HELQ: variants seen among roughly 807,000 people sequenced by gnomAD.
HELQ encodes the protein helicase POLQ-like.
In HELQ, 77 loss-of-function variants were observed where a neutral mutation model predicts 111.6. The observed-to-expected ratio is 0.69, with a 90% CI of 0.57 to 0.83. HELQ has a LOEUF of 0.83. Among genes scored for constraint, HELQ ranks in the 40% least tolerant of loss-of-function variants. The pLI, the probability that HELQ is intolerant of heterozygous loss-of-function variation, is 0.00. For missense variants in HELQ, 1,200 were observed against 1,288.5 expected (o/e 0.93, Z 1.05); for synonymous variants, 438 against 454.7 (o/e 0.96, Z 0.47).
In HELQ at chr4:83,426,701, C is replaced by A. The variant is rs998743219; in HGVS notation, c.2677-609G>T. Among the ~76,000 whole-genome samples the A allele has an allele frequency of 3.3e-5, 5 of 152,070 alleles. No homozygotes were observed. In the East Asian group the frequency reaches 9.7e-4, roughly 29 times the overall value. Reference sequence around the variant, plus strand: ...GCCTCAGCCTCCTGAGTAGCTGGGACTACTGGTGTGCGCCACCATGACCAA... The same window carrying A: ...GCCTCAGCCTCCTGAGTAGCTGGGAATACTGGTGTGCGCCACCATGACCAA... On this transcript the variant is annotated intron_variant, in intron 13 of 17. Transcript: ENST00000295488.
chr4:83,419,125 A>G (rs1010241605), intron 15 of HELQ, among the ~76,000 whole-genome samples: 2 of 151,866 alleles, frequency 1.3e-5, no homozygotes, highest in African/African-American at 4.8e-5. Context: ...AATGTCACCC[A>G]AAACAAATTG....
intron 9 of HELQ, among the ~76,000 whole-genome samples, chr4:83,435,730 G>A (rs1050664469): frequency 6.6e-6 from 1 of 152,032 alleles, no homozygotes; most frequent in African/African-American, 2.4e-5. Context: ...AACATTCATG[G>A]GGCAGAGTAG....
chr4:83,440,562 G>A (rs1720707842), intron 7 of HELQ, among the ~76,000 whole-genome samples: 2 of 152,208 alleles, frequency 1.3e-5, no homozygotes, highest in Non-Finnish European at 2.9e-5. Flanking sequence ...AGACATAGCT[G>A]TAGAATAACA....
chr4:83,433,392 G>A (rs55786616), intron 9 of HELQ, among the ~76,000 whole-genome samples: 10,888 of 152,236 alleles, frequency 0.072, 1,322 homozygotes, highest in African/African-American at 0.25. Context: ...TATTGGCGGG[G>A]CGTGGTGGCT....
intron 9 of HELQ, among the ~76,000 whole-genome samples, chr4:83,434,034 T>G (rs535177118): frequency 1.1e-4 from 16 of 145,768 alleles, no homozygotes; most frequent in African/African-American, 4.1e-4. Flanking sequence ...CAAAAGAGAG[T>G]TCTTAGAAAT....
chr4:83,408,246 C>T (rs1403832236), intron 17 of HELQ, among the ~76,000 whole-genome samples: 1 of 152,012 alleles, frequency 6.6e-6, no homozygotes. Flanking sequence ...ATTCCGCTCC[C>T]CCCCACCCGC....
At chr4:83,416,597 A>T (rs954377732) in intron 17 of HELQ, 134 bp downstream of exon 17, 10 of 880,002 alleles carry the variant, frequency 1.1e-5, no homozygotes, top group South Asian at 8.0e-5. Context: ...TTACTCACAA[A>T]TAAGAGTATG....
At chr4:83,437,353 C>T (rs1009705710) in intron 8 of HELQ, among the ~76,000 whole-genome samples, 1 of 152,054 alleles carries the variant, frequency 6.6e-6, no homozygotes, top group Non-Finnish European at 1.5e-5. Context: ...TGGCTCATGC[C>T]TGTAATCTCA....
At chr4:83,450,221 T>TAAA in intron 2 of HELQ, among the ~76,000 whole-genome samples, 1 of 40,610 alleles carries the variant, frequency 2.5e-5, no homozygotes, top group Admixed American at 3.9e-4. Context: ...ACAGTTAAGT[T>TAAA]TAAAAAAAAA....
chr4:83,431,903 C>A, intron 10 of HELQ, 135 bp from the exon 11 acceptor site: 1 of 497,238 alleles, frequency 2.0e-6, no homozygotes, highest in Non-Finnish European at 3.4e-6. Context: ...AAGAATTTAA[C>A]ATTTATCTTC....
chr4:83,410,788 G>T (rs531332930), intron 17 of HELQ, among the ~76,000 whole-genome samples: 1 of 152,068 alleles, frequency 6.6e-6, no homozygotes, highest in South Asian at 2.1e-4. Context: ...AGGCCTTGGG[G>T]TCTTGAAATG....
chr4:83,435,506 T>C (rs952802254), intron 9 of HELQ, among the ~76,000 whole-genome samples: 12 of 151,196 alleles, frequency 7.9e-5, no homozygotes, highest in African/African-American at 2.9e-4. Flanking sequence ...TCTTCAACTA[T>C]GCAAAGAGTC....
intron 17 of HELQ, among the ~76,000 whole-genome samples, chr4:83,412,199 G>T (rs983749780): frequency 6.6e-6 from 1 of 152,094 alleles, no homozygotes; most frequent in African/African-American, 2.4e-5. Context: ...AGTATACTAT[G>T]GTTATCCTAT....
Position 83,421,639 on chromosome 4 carries a change from T to C in HELQ, c.2873A>G (p.Asn958Ser). Residue 958 changes from asparagine (N) to serine (S), a missense_variant, in exon 15 of 18, where the codon AAT becomes AGT. By Grantham distance (46) the Asn-to-Ser change is conservative. Coordinates refer to ENST00000295488, the MANE Select transcript of HELQ (RefSeq NM_133636.5). ...ATTTTGTATATATCCTCGAGGCATA[T>C]TAAATTTTTCAGATACAGTCCAAAT... ...TNIWTVSEKF[N>S]MPRGYIQNLL... 1.9e-6 allele frequency: 3 copies of C among 1,613,524 alleles called. No homozygotes were observed. The highest frequency in any genetic ancestry group is 2.2e-5 in the East Asian group (1 of 44,770).
intron 9 of HELQ, among the ~76,000 whole-genome samples, chr4:83,433,665 C>CAAA (rs1175098887): frequency 3.2e-4 from 15 of 47,014 alleles, no homozygotes; most frequent in African/African-American, 7.9e-4. Context: ...GACTCCGTCT[C>CAAA]AAAAAAAAAA....
chr4:83,441,311 A>C lies in HELQ; in HGVS notation c.1656T>G (p.Asn552Lys). 6.4e-7 allele frequency: 1 copy of C among 1,558,342 alleles called. No homozygotes were observed. Among genetic ancestry groups the C allele is most frequent in the South Asian group, 1.1e-5 (1 of 88,498 alleles). ...TAAATGTTATCAATGTTACCTTATAATTAAGAAGACGTGAAAAAGTCATGC... is the reference window on the plus strand; with the variant it reads ...TAAATGTTATCAATGTTACCTTATACTTAAGAAGACGTGAAAAAGTCATGC... ...ENGMTFSRLL[N>K]YKYSDTLKKM... The change falls in exon 7 of 18, where the codon AAT becomes AAG. Residue 552 changes from asparagine (N) to lysine (K), a missense_variant. Around this residue, in one of 3 missense-constraint regions of HELQ, gnomAD observed 585 missense variants for 665.3 expected, o/e 0.88. Transcript: ENST00000295488.
chr4:83,417,557 T>A (rs542656123), intron 16 of HELQ, among the ~76,000 whole-genome samples: 1 of 152,256 alleles, frequency 6.6e-6, no homozygotes, highest in African/African-American at 2.4e-5. Flanking sequence ...CTGGTGTCTC[T>A]CTCTGTGTGT....
chr4:83,450,379 A>T (rs1466578818), intron 2 of HELQ, among the ~76,000 whole-genome samples: 3 of 151,552 alleles, frequency 2.0e-5, no homozygotes, highest in African/African-American at 7.3e-5. Context: ...AAAAAAAAGA[A>T]AGTTATATCT....
intron 7 of HELQ, among the ~76,000 whole-genome samples, chr4:83,440,266 A>G (rs1720694168): frequency 6.6e-6 from 1 of 152,246 alleles, no homozygotes; most frequent in Non-Finnish European, 1.5e-5. Flanking sequence ...AGTGAATTAA[A>G]GAAAATTAAA....
Sources: allele counts gnomAD v4.1 joint callset (sites outside exome capture counted in the v4.1 genomes callset), GRCh38; gene constraint gnomAD v4.1.1; regional missense constraint gnomAD v4.1.1; transcripts MANE v1.5; gene names NCBI Gene and HGNC (gene_info 2026-07-23, HGNC 2026-07-21).